LRRTM4: variants seen among roughly 807,000 people sequenced by gnomAD.
The protein encoded by LRRTM4 is leucine rich repeat transmembrane neuronal 4.
Under a neutral mutation model 47.6 loss-of-function variants are expected in LRRTM4, and 25 were observed. The observed-to-expected ratio is 0.53, with a 90% CI of 0.38 to 0.73. The LOEUF (loss-of-function observed/expected upper bound fraction) is 0.73. Among genes scored for constraint, LRRTM4 ranks in the 30% least tolerant of loss-of-function variants. LRRTM4 has a pLI of 0.00. For synonymous variants in LRRTM4, 311 were observed against 269.5 expected (o/e 1.15, Z -1.51); for missense variants, 638 against 713.4 (o/e 0.89, Z 1.20).
intron 3 of LRRTM4, among the ~76,000 whole-genome samples, chr2:76,886,155 A>G (rs1673070008): frequency 1.3e-5 from 2 of 152,336 alleles, no homozygotes; most frequent in South Asian, 2.1e-4. Context: ...TTGAGGGGCT[A>G]AAAGCATTAC....
chr2:77,350,327 C>G (rs1302040663), intron 3 of LRRTM4, among the ~76,000 whole-genome samples: 3 of 80,060 alleles, frequency 3.7e-5, no homozygotes, highest in African/African-American at 5.4e-5. Flanking sequence ...AGCAAGACTC[C>G]GTCTCAAAAA....
intron 3 of LRRTM4, among the ~76,000 whole-genome samples, chr2:76,771,254 G>A (rs1293288479): frequency 7.9e-5 from 12 of 152,176 alleles, no homozygotes; most frequent in Non-Finnish European, 1.2e-4. Context: ...AGTTGGAATC[G>A]CTGTATCAGC....
intron 3 of LRRTM4, among the ~76,000 whole-genome samples, chr2:77,438,837 A>AG (rs1450811668): frequency 6.6e-6 from 1 of 152,226 alleles, no homozygotes; most frequent in African/African-American, 2.4e-5. Context: ...CATTTTAGGA[A>AG]GCATGAAACA....
chr2:77,252,451 A>G (rs1168722431), intron 3 of LRRTM4, among the ~76,000 whole-genome samples: 1 of 152,196 alleles, frequency 6.6e-6, no homozygotes, highest in South Asian at 2.1e-4. Flanking sequence ...AAATGGAGAC[A>G]GAAGACCCAT....
At chr2:77,332,671 T>G (rs994878537) in intron 3 of LRRTM4, among the ~76,000 whole-genome samples, 1 of 152,176 alleles carries the variant, frequency 6.6e-6, no homozygotes, top group Non-Finnish European at 1.5e-5. Flanking sequence ...ATATTAAAAG[T>G]CTGCTTCATT....
intron 3 of LRRTM4, among the ~76,000 whole-genome samples, chr2:77,257,623 A>G (rs982409538): frequency 6.6e-6 from 1 of 152,046 alleles, no homozygotes; most frequent in East Asian, 1.9e-4. Context: ...AAGCCTTGAC[A>G]AGAGCAGGAA....
intron 3 of LRRTM4, among the ~76,000 whole-genome samples, chr2:77,457,507 C>G (rs1449547316): frequency 6.6e-6 from 1 of 152,048 alleles, no homozygotes; most frequent in Non-Finnish European, 1.5e-5. Flanking sequence ...ATTTTCCATA[C>G]AGCAGTCAGA....
At chr2:77,428,541 C>T (rs768440065) in intron 3 of LRRTM4, among the ~76,000 whole-genome samples, 1 of 152,082 alleles carries the variant, frequency 6.6e-6, no homozygotes, top group East Asian at 1.9e-4. Flanking sequence ...GACTCTTAGC[C>T]CACAGTAGAA....
intron 3 of LRRTM4, among the ~76,000 whole-genome samples, chr2:77,358,357 C>A (rs757701411): frequency 2.0e-5 from 3 of 152,192 alleles, no homozygotes; most frequent in African/African-American, 7.2e-5. Context: ...TCCACTCTTG[C>A]GGGAACTAGT....
chr2:77,373,086 A>ATATATATATATATATATAT lies in LRRTM4; in HGVS notation c.1551+145231_1551+145232insATATATATATATATATATA, dbSNP rs1553435858. Among the ~76,000 whole-genome samples, 8 of 130,112 alleles carry ATATATATATATATATATAT rather than the reference A, an allele frequency of 6.1e-5. No homozygotes were observed. The South Asian group carries it at 1.0e-3, about 17-fold the overall frequency. The allele number at this position is 130,112 out of a possible 152,430, so 85.4% of individuals were successfully genotyped here. ...CAAAAGCAAACCAACAATTAAAAAAAAAATATATATATATATATATATACG... is the reference window on the plus strand; with the variant it reads ...CAAAAGCAAACCAACAATTAAAAAAATATATATATATATATATATAAATATATATATATATATATATACG... On this transcript the variant is annotated intron_variant, in intron 3 of 3. Transcript: ENST00000409884.
chr2:77,206,203 G>T (rs1250092440), intron 3 of LRRTM4, among the ~76,000 whole-genome samples: 1 of 144,854 alleles, frequency 6.9e-6, no homozygotes, highest in African/African-American at 2.6e-5. Flanking sequence ...TTTTGAAACA[G>T]GGTCTCACTC....
At chr2:77,098,624 C>A (rs57595972) in intron 3 of LRRTM4, among the ~76,000 whole-genome samples, 4,514 of 151,934 alleles carry the variant, frequency 0.03, 224 homozygotes, top group African/African-American at 0.1. Flanking sequence ...AGAATACAAA[C>A]CACTAATTTA....
At chr2:77,268,290 T>C (rs1209348188) in intron 3 of LRRTM4, among the ~76,000 whole-genome samples, 1 of 152,156 alleles carries the variant, frequency 6.6e-6, no homozygotes, top group East Asian at 1.9e-4. Flanking sequence ...AGCTTGGCCC[T>C]TTTCCAGGAA....
rs1381938189 is a variant in LRRTM4, at chr2:76,952,992, C to T, written c.1552-204076G>A. Among the ~76,000 whole-genome samples, 8 of 151,602 alleles carry T rather than the reference C, an allele frequency of 5.3e-5. No homozygotes were observed. The South Asian group carries it at 1.5e-3, about 28-fold the overall frequency. On this transcript the variant is annotated intron_variant, in intron 3 of 3. Coordinates refer to ENST00000409884, the MANE Select transcript of LRRTM4 (RefSeq NM_001134745.3). ...GAGCTGAACATTTAGCATCCAAGGA[C>T]ATAAATATGGGAGCAATAGACATTA...
chr2:77,097,460 C>T (rs777698035), intron 3 of LRRTM4, among the ~76,000 whole-genome samples: 5 of 151,872 alleles, frequency 3.3e-5, no homozygotes, highest in South Asian at 2.1e-4. Flanking sequence ...TGTGCCAATC[C>T]GTAAAATCAT....
chr2:77,403,886 T>A (rs1173541352), intron 3 of LRRTM4, among the ~76,000 whole-genome samples: 3 of 142,370 alleles, frequency 2.1e-5, no homozygotes, highest in African/African-American at 3.1e-5. Flanking sequence ...ATATATATAT[T>A]TTAGGAAAGG....
intron 3 of LRRTM4, among the ~76,000 whole-genome samples, chr2:76,814,260 T>A (rs1050534696): frequency 3.9e-5 from 6 of 152,132 alleles, no homozygotes; most frequent in Non-Finnish European, 8.8e-5. Context: ...AAAGAATAAC[T>A]TTTTACAGCT....
At chr2:76,902,400 A>T (rs1673669069) in intron 3 of LRRTM4, among the ~76,000 whole-genome samples, 1 of 152,210 alleles carries the variant, frequency 6.6e-6, no homozygotes, top group Admixed American at 6.6e-5. Context: ...ACATTATAAC[A>T]TATTTTCAAC....
chr2:77,066,599 C>A (rs1679963484), intron 3 of LRRTM4, among the ~76,000 whole-genome samples: 1 of 151,918 alleles, frequency 6.6e-6, no homozygotes, highest in African/African-American at 2.4e-5. Flanking sequence ...AATAAAATGC[C>A]AACATGAAGA....
Sources: allele counts gnomAD v4.1 joint callset (sites outside exome capture counted in the v4.1 genomes callset), GRCh38; gene constraint gnomAD v4.1.1; transcripts MANE v1.5; gene names NCBI Gene and HGNC (gene_info 2026-07-23, HGNC 2026-07-21).